Variants in ULK2 observed in about 807,000 individuals in gnomAD.
The protein encoded by ULK2 is serine/threonine-protein kinase ULK2.
In ULK2, 76 loss-of-function variants were observed where a neutral mutation model predicts 127.5. The observed-to-expected ratio is 0.60, with a 90% confidence interval of 0.50 to 0.72. The LOEUF (loss-of-function observed/expected upper bound fraction) is 0.72. ULK2 is among the 30% of genes least tolerant of loss of function. The pLI is 0.00. For synonymous variants in ULK2, 452 were observed against 461.9 expected (o/e 0.98, Z 0.28); for missense variants, 1,144 against 1,295.9 (o/e 0.88, Z 1.80).
chr17:19,829,521 G>A (rs1318928178), intron 10 of ULK2, among the ~76,000 whole-genome samples: 2 of 110,022 alleles, frequency 1.8e-5, no homozygotes, highest in African/African-American at 7.0e-5. Flanking sequence ...TAGGTGACAG[G>A]ATGAGACCCT....
intron 12 of ULK2, among the ~76,000 whole-genome samples, chr17:19,818,180 G>A (rs1351231175): frequency 7.2e-5 from 11 of 151,988 alleles, no homozygotes; most frequent in South Asian, 2.1e-4. Context: ...AAAATTAGCC[G>A]GGCATGACGG....
intron 12 of ULK2, among the ~76,000 whole-genome samples, chr17:19,820,343 G>A (rs779817665): frequency 8.5e-5 from 13 of 152,108 alleles, no homozygotes; most frequent in Non-Finnish European, 1.3e-4. Flanking sequence ...CACCGTGTCC[G>A]GCCTAGCTCA....
In ULK2 at chr17:19,864,887, T is replaced by C. The variant is rs113142032; in HGVS notation, c.184-43A>G. ...AATGAAAAATATGTAAGTATTCTAATGACTTTACTATATTTTAATATGTAA... is the reference window on the plus strand; with the variant it reads ...AATGAAAAATATGTAAGTATTCTAACGACTTTACTATATTTTAATATGTAA... On this transcript the variant is annotated intron_variant, in intron 2 of 26. Transcript: ENST00000395544. 7.8e-3 allele frequency: 7,393 copies of C among 950,300 alleles called. 353 individuals are homozygous for C. The African/African-American group carries it at 0.11, about 14-fold the overall frequency. The allele number at this position is 950,300 out of a possible 1,614,324, so 58.9% of individuals were successfully genotyped here.
At position 19,785,342 on chromosome 17, in the gene ULK2, G is replaced by T. The variant is rs548379306; in HGVS notation, c.2251+595C>A. Among the ~76,000 whole-genome samples the T allele has an allele frequency of 9.2e-5, 14 of 152,068 alleles. No individual in the cohort carries two copies. The East Asian group carries it at 2.7e-3, about 29-fold the overall frequency. ...TTCTCCTGCCTCAGCCTCCTGAGTA[G>T]CTGGGATTACAGGTACCTGCCACCA... On this transcript the variant is annotated intron_variant, in intron 21 of 26. Coordinates refer to ENST00000395544, the MANE Select transcript of ULK2 (RefSeq NM_014683.4).
rs111374674 is a variant in ULK2, at chr17:19,806,250, T to C, written c.1158-1420A>G. Among the ~76,000 whole-genome samples, 941 of 150,514 alleles carry C rather than the reference T, an allele frequency of 6.3e-3. 10 individuals are homozygous for C. Among genetic ancestry groups the C allele is most frequent in the African/African-American group, 0.021 (870 of 41,144 alleles). ...GAATGTGAAAGAATAAATGCCATTT[T>C]TTTATTGTTTCAATTTAGTAAGTAA... On this transcript the variant is annotated intron_variant, in intron 14 of 26. Transcript: ENST00000395544.
rs1329672645 is a variant in ULK2, at chr17:19,843,048, A to G, written c.645+73T>C. Reference sequence around the variant, plus strand: ...AAACACTGCTTTCAAAGTATTCTTCATTTTACAAATCAAACGCAACTATAA... The same window carrying G: ...AAACACTGCTTTCAAAGTATTCTTCGTTTTACAAATCAAACGCAACTATAA... On this transcript the variant is annotated intron_variant, in intron 8 of 26. Transcript: ENST00000395544. 8 of 1,249,888 alleles carry G rather than the reference A, an allele frequency of 6.4e-6. No individual in the cohort carries two copies. In the Admixed American group the frequency reaches 7.0e-5, roughly 11 times the overall value. The allele number at this position is 1,249,888 out of a possible 1,614,324, so 77.4% of individuals were successfully genotyped here.
intron 8 of ULK2, among the ~76,000 whole-genome samples, 196 bp from the exon 9 acceptor site, chr17:19,841,743 G>T (rs554912598): frequency 2.6e-5 from 4 of 152,106 alleles, no homozygotes; most frequent in Non-Finnish European, 5.9e-5. Context: ...TCTTGCTACA[G>T]AACATAGACT....
intron 25 of ULK2, among the ~76,000 whole-genome samples, chr17:19,778,911 A>G (rs1156463019): frequency 6.6e-6 from 1 of 152,232 alleles, no homozygotes; most frequent in South Asian, 2.1e-4. Context: ...GGAGGAATTT[A>G]TAAGTTATAG....
At chr17:19,850,034 T>C (rs2041977766) in intron 3 of ULK2, among the ~76,000 whole-genome samples, 1 of 152,182 alleles carries the variant, frequency 6.6e-6, no homozygotes, top group South Asian at 2.1e-4. Context: ...GAAAGATTCA[T>C]CTTTTGGTTA....
intron 21 of ULK2, among the ~76,000 whole-genome samples, chr17:19,785,512 T>C (rs539088469): frequency 3.8e-4 from 58 of 151,352 alleles, no homozygotes; most frequent in African/African-American, 1.4e-3. Context: ...CCACCTCACC[T>C]AGCCAAAACA....
At chr17:19,837,629 C>G (rs1168442553) in intron 10 of ULK2, among the ~76,000 whole-genome samples, 1 of 152,150 alleles carries the variant, frequency 6.6e-6, no homozygotes, top group Non-Finnish European at 1.5e-5. Context: ...TCACTGTAAT[C>G]GACAACATCC....
At chr17:19,810,211 C>A in intron 14 of ULK2, among the ~76,000 whole-genome samples, 167 bp downstream of exon 14, 2 of 142,992 alleles carry the variant, frequency 1.4e-5, no homozygotes, top group African/African-American at 2.6e-5. Context: ...GTCTGGGTGA[C>A]AGAGCCAGAC....
At chr17:19,851,675 T>A (rs950226281) in intron 3 of ULK2, among the ~76,000 whole-genome samples, 6 of 151,642 alleles carry the variant, frequency 4.0e-5, no homozygotes. Flanking sequence ...TAAAAAAGTC[T>A]TGAAGGACAC....
intron 7 of ULK2, 46 bp downstream of exon 7, chr17:19,845,258 T>A (rs1483246998): frequency 1.3e-6 from 2 of 1,521,474 alleles, no homozygotes; most frequent in Non-Finnish European, 1.8e-6. Context: ...TTCCAATGAT[T>A]ATGGAGCCAT....
chr17:19,843,709 A>G (rs2041818807), intron 7 of ULK2, among the ~76,000 whole-genome samples: 1 of 147,086 alleles, frequency 6.8e-6, no homozygotes, highest in Non-Finnish European at 1.5e-5. Flanking sequence ...CCCAGGCTGG[A>G]GTGCAGTGGC....
chr17:19,823,102 A>T (rs1307136679), intron 12 of ULK2, among the ~76,000 whole-genome samples: 1 of 142,242 alleles, frequency 7.0e-6, no homozygotes, highest in African/African-American at 2.7e-5. Context: ...CTGAGTCTAC[A>T]GTCATGCCCA....
rs911324357 is a variant in ULK2 at position 19,772,334 on chromosome 17, G to C, written c.*4015C>G. On this transcript the variant is annotated 3_prime_UTR_variant, in exon 27 of 27. Transcript: ENST00000395544. ...ATGTGGTTTCCTCTGATGCAGGTGA[G>C]GGAAGTATCATCTTGACTCCTCCAC... is the stretch of plus-strand genomic sequence containing the variant. 2.6e-5 allele frequency: 4 copies of C among 152,198 alleles called. No homozygotes were observed. Among genetic ancestry groups the C allele is most frequent in the Non-Finnish European group, 4.4e-5 (3 of 68,038 alleles). 9.4% of individuals were successfully genotyped at this position (152,198 alleles called of 1,614,324 possible).
At chr17:19,820,970 A>C (rs2041127062) in intron 12 of ULK2, among the ~76,000 whole-genome samples, 1 of 152,198 alleles carries the variant, frequency 6.6e-6, no homozygotes, top group Admixed American at 6.5e-5. Context: ...CATTAGTATA[A>C]ACCAGAACAT....
In ULK2 at chr17:19,780,505, T is replaced by C. The variant is rs747816838; in HGVS notation, c.2883A>G (p.Ala961=). 1.9e-6 allele frequency: 3 copies of C among 1,613,318 alleles called. No homozygotes were observed. In the South Asian group the frequency reaches 3.3e-5, roughly 18 times the overall value. The part of the protein sequence containing the change: ...RFIDEINSVT[A]EKLIYNCAVE... ...CAGCACAATTATAGATGAGTTTCTCTGCAGTCACACTGTTGATTTCATCAA... is the reference window on the plus strand; with the variant it reads ...CAGCACAATTATAGATGAGTTTCTCCGCAGTCACACTGTTGATTTCATCAA... The change falls in exon 25 of 27, where the codon GCA becomes GCG. Residue 961 remains alanine, a synonymous_variant. Transcript: ENST00000395544.
Sources: allele counts gnomAD v4.1 joint callset (sites outside exome capture counted in the v4.1 genomes callset), GRCh38; gene constraint gnomAD v4.1.1; transcripts MANE v1.5; gene names NCBI Gene and HGNC (gene_info 2026-07-23, HGNC 2026-07-21).